Variants in KCNH8 observed in about 807,000 individuals in gnomAD.
KCNH8 encodes the protein potassium voltage-gated channel subfamily H member 8.
In KCNH8, 70 loss-of-function variants were observed where a neutral mutation model predicts 103.6. The observed-to-expected ratio is 0.68, with a 90% CI of 0.56 to 0.82. The LOEUF (loss-of-function observed/expected upper bound fraction) is 0.82, where lower values mean the gene tolerates loss of function less well. Ranked by LOEUF, KCNH8 falls within the 40% of genes least tolerant of loss-of-function variation. The pLI is 0.00. For synonymous variants in KCNH8, 498 were observed against 489.4 expected (o/e 1.02, Z -0.23); for missense variants, 1,217 against 1,329.9 (o/e 0.92, Z 1.32).
chr3:19,421,858 A>G (rs574211504), intron 7 of KCNH8, among the ~76,000 whole-genome samples: 21 of 152,228 alleles, frequency 1.4e-4, no homozygotes, highest in Admixed American at 1.4e-3. Flanking sequence ...TTCCTAAAGA[A>G]TGTATAATCT....
intron 1 of KCNH8, among the ~76,000 whole-genome samples, chr3:19,216,500 A>G (rs193094849): frequency 1.0e-3 from 153 of 152,362 alleles, no homozygotes; most frequent in African/African-American, 3.5e-3. Flanking sequence ...CTCCAGTATC[A>G]TGGTCCTTGC....
chr3:19,293,455 C>G (rs1473813935), intron 3 of KCNH8, among the ~76,000 whole-genome samples: 1 of 152,194 alleles, frequency 6.6e-6, no homozygotes, highest in African/African-American at 2.4e-5. Flanking sequence ...ACTGACACTT[C>G]AGCATCACCT....
intron 7 of KCNH8, among the ~76,000 whole-genome samples, chr3:19,437,866 G>A (rs150102840): frequency 7.6e-4 from 115 of 152,282 alleles, no homozygotes; most frequent in Non-Finnish European, 1.4e-3. Context: ...CTGTTTCTGA[G>A]AGTAGCCATC....
At chr3:19,458,144 C>T (rs1380275924) in intron 11 of KCNH8, among the ~76,000 whole-genome samples, 1 of 151,950 alleles carries the variant, frequency 6.6e-6, no homozygotes, top group African/African-American at 2.4e-5. Context: ...TTCACACATA[C>T]TTGCAGGTGG....
intron 14 of KCNH8, among the ~76,000 whole-genome samples, chr3:19,516,841 C>T (rs1426409991): frequency 2.6e-5 from 4 of 152,026 alleles, no homozygotes; most frequent in African/African-American, 9.7e-5. Flanking sequence ...TGACCTCACA[C>T]TGTTTTCCAT....
At chr3:19,401,473 ATG>A (rs2066611691) in intron 7 of KCNH8, among the ~76,000 whole-genome samples, 1 of 152,034 alleles carries the variant, frequency 6.6e-6, no homozygotes, top group Non-Finnish European at 1.5e-5. Flanking sequence ...AGTACTTAAA[ATG>A]TCATCACAAA....
At chr3:19,323,494 C>A (rs1469324762) in intron 3 of KCNH8, among the ~76,000 whole-genome samples, 2 of 152,072 alleles carry the variant, frequency 1.3e-5, no homozygotes, top group African/African-American at 2.4e-5. Flanking sequence ...CTTCTGAATT[C>A]TTTTTGTGGC....
chr3:19,271,985 A>G (rs1361613655), intron 2 of KCNH8, among the ~76,000 whole-genome samples: 3 of 152,138 alleles, frequency 2.0e-5, no homozygotes, highest in East Asian at 3.9e-4. Flanking sequence ...TATCAAATCA[A>G]ATAAATTAAT....
At chr3:19,376,181 G>T (rs1156655232) in intron 5 of KCNH8, among the ~76,000 whole-genome samples, 1 of 152,240 alleles carries the variant, frequency 6.6e-6, no homozygotes, top group Non-Finnish European at 1.5e-5. Flanking sequence ...GGCAATGGCG[G>T]GCGCCCCTCC....
At chr3:19,313,666 A>G (rs2065235318) in intron 3 of KCNH8, among the ~76,000 whole-genome samples, 1 of 150,928 alleles carries the variant, frequency 6.6e-6, no homozygotes, top group Admixed American at 6.6e-5. Context: ...TGAAGTATAC[A>G]TTCTTTTTTC....
At position 19,214,878 on chromosome 3, in the gene KCNH8, C is replaced by T. The variant is rs191985087; in HGVS notation, c.77-38776C>T. ...CACCTTCAACATGTTCTCCCTAATCCAGTATGTCTTCCATGCTGAGCCACC... is the reference window on the plus strand; with the variant it reads ...CACCTTCAACATGTTCTCCCTAATCTAGTATGTCTTCCATGCTGAGCCACC... On this transcript the variant is annotated intron_variant, in intron 1 of 15. Coordinates refer to ENST00000328405, the MANE Select transcript of KCNH8 (RefSeq NM_144633.3). Among the ~76,000 whole-genome samples, 19 of 152,304 alleles carry T rather than the reference C, an allele frequency of 1.2e-4. 1 individual carries two copies. Among genetic ancestry groups the T allele is most frequent in the Admixed American group, 9.2e-4 (14 of 15,298 alleles).
chr3:19,505,189 C>G (rs1329709582), intron 11 of KCNH8, among the ~76,000 whole-genome samples: 1 of 151,744 alleles, frequency 6.6e-6, no homozygotes, highest in African/African-American at 2.4e-5. Flanking sequence ...TTATCCTAAG[C>G]AAACTAATGT....
At chr3:19,464,928 A>T (rs769383860) in intron 11 of KCNH8, among the ~76,000 whole-genome samples, 2 of 152,178 alleles carry the variant, frequency 1.3e-5, no homozygotes, top group Admixed American at 1.3e-4. Context: ...TATGATTAGT[A>T]TCAAGATAAG....
chr3:19,419,812 T>TA (rs2066924303), intron 7 of KCNH8, among the ~76,000 whole-genome samples: 1 of 151,868 alleles, frequency 6.6e-6, no homozygotes, highest in African/African-American at 2.4e-5. Context: ...GAAGGTTCAG[T>TA]CAATTGAAGT....
chr3:19,243,591 C>CT (rs1230213350), intron 1 of KCNH8, among the ~76,000 whole-genome samples: 6 of 152,132 alleles, frequency 3.9e-5, no homozygotes, highest in Non-Finnish European at 8.8e-5. Context: ...ATACCACTAG[C>CT]TTTTGCAGAA....
chr3:19,513,100 C>G lies in KCNH8; in HGVS notation c.2210C>G (p.Ser737Trp). 5.0e-6 allele frequency: 8 copies of G among 1,613,806 alleles called. No individual in the cohort carries two copies. The highest frequency in any genetic ancestry group is 5.9e-6 in the Non-Finnish European group (7 of 1,179,908). The change falls in exon 13 of 16, where the codon TCG (serine) becomes TGG (tryptophan). Residue 737 changes from serine (S) to tryptophan (W), a missense_variant. Around this residue, in one of 3 missense-constraint regions of KCNH8, gnomAD observed 558 missense variants for 495.8 expected, o/e 1.13. Coordinates refer to ENST00000328405, the MANE Select transcript of KCNH8 (RefSeq NM_144633.3). ...LSPICTRGSS[S>W]RNKKVGSNKA... ...CCCATCTGCACAAGGGGATCTTCTT[C>G]GCGCAACAAGAAGGTTGGAAGCAAT...
chr3:19,350,214 G>C (rs1398789325), intron 5 of KCNH8, among the ~76,000 whole-genome samples: 1 of 152,052 alleles, frequency 6.6e-6, no homozygotes, highest in African/African-American at 2.4e-5. Context: ...TGGCCTAAAA[G>C]TGATCATTGA....
Position 19,455,931 on chromosome 3 carries a change from A to T in KCNH8, c.1826-837A>T, listed in dbSNP as rs796792028. Among the ~76,000 whole-genome samples the T allele has an allele frequency of 3.3e-5, 5 of 152,232 alleles. 1 individual carries two copies. The South Asian group carries it at 1.0e-3, about 32-fold the overall frequency. On this transcript the variant is annotated intron_variant, in intron 10 of 15. Transcript: ENST00000328405. ...AATTCTCCTCAAATATACAAAATTT[A>T]AAAATTTGCTGTATTCAAAACATTT...
At chr3:19,466,095 T>A (rs981932133) in intron 11 of KCNH8, among the ~76,000 whole-genome samples, 1 of 151,920 alleles carries the variant, frequency 6.6e-6, no homozygotes, top group African/African-American at 2.4e-5. Flanking sequence ...CGGCTAATTC[T>A]TTTTTATATT....
Sources: allele counts gnomAD v4.1 joint callset (sites outside exome capture counted in the v4.1 genomes callset), GRCh38; gene constraint gnomAD v4.1.1; regional missense constraint gnomAD v4.1.1; transcripts MANE v1.5; gene names NCBI Gene and HGNC (gene_info 2026-07-23, HGNC 2026-07-21).